Variants in P2RX3 observed in about 807,000 individuals in gnomAD.
P2RX3 encodes the protein purinergic receptor P2X 3, also known as P2X purinoceptor 3.
P2RX3 carries 41 observed loss-of-function variants against 51.5 expected under a neutral mutation model. The observed-to-expected ratio is 0.80, with a 90% CI of 0.62 to 1.03. The LOEUF (loss-of-function observed/expected upper bound fraction) is 1.03, where lower values mean the gene tolerates loss of function less well. P2RX3 is among the 50% of genes least tolerant of loss of function. The pLI, the probability that P2RX3 is intolerant of heterozygous loss-of-function variation, is 0.00. For missense variants in P2RX3, 459 were observed against 522.1 expected, an observed-to-expected ratio of 0.88 and a Z score of 1.18; for synonymous variants, 185 against 191.6, an observed-to-expected ratio of 0.97 and a Z score of 0.29.
chr11:57,365,917 C>T (rs1856790536), intron 8 of P2RX3, among the ~76,000 whole-genome samples: 1 of 152,220 alleles, frequency 6.6e-6, no homozygotes, highest in Non-Finnish European at 1.5e-5. Context: ...ATGCAAATAT[C>T]CCTGTCAGGA....
At chr11:57,358,934 C>A (rs1856673034) in intron 8 of P2RX3, among the ~76,000 whole-genome samples, 3 of 152,196 alleles carry the variant, frequency 2.0e-5, no homozygotes, top group African/African-American at 7.2e-5. Context: ...ACTATTAGGC[C>A]TCAGAATCAT....
chr11:57,361,764 C>G (rs1856723220), intron 8 of P2RX3, among the ~76,000 whole-genome samples: 1 of 152,126 alleles, frequency 6.6e-6, no homozygotes. Context: ...ATGCATGTAT[C>G]TTTATAATAG....
At chr11:57,369,299 C>A in intron 10 of P2RX3, 62 bp from the exon 11 acceptor site, 1 of 1,472,670 alleles carries the variant, frequency 6.8e-7, no homozygotes. Flanking sequence ...GCACTTCCTG[C>A]CACCCTGATC....
At chr11:57,342,948 G>C (rs956137039) in intron 1 of P2RX3, among the ~76,000 whole-genome samples, 7 of 152,216 alleles carry the variant, frequency 4.6e-5, no homozygotes, top group African/African-American at 1.7e-4. Flanking sequence ...CACCTGCCAA[G>C]GAGCTGCCAC....
At position 57,370,057 on chromosome 11, in the gene P2RX3, C is replaced by A. The variant is rs1856861083; in HGVS notation, c.*60C>A. ...CCAGGCCTCCCCACAGAGGACCCTG[C>A]CTGAGCAAGGGGCATGGGAGGGAAG... is the stretch of plus-strand genomic sequence containing the variant. On this transcript the variant is annotated 3_prime_UTR_variant, in exon 12 of 12. Transcript: ENST00000263314. 8.9e-7 allele frequency: 1 copy of A among 1,123,120 alleles called. No homozygotes were observed. The highest frequency in any genetic ancestry group is 2.5e-5 in the Admixed American group (1 of 40,752). The allele number at this position is 1,123,120 out of a possible 1,614,324, so 69.6% of individuals were successfully genotyped here.
At chr11:57,361,799 A>G (rs1565071539) in intron 8 of P2RX3, among the ~76,000 whole-genome samples, 1 of 152,240 alleles carries the variant, frequency 6.6e-6, no homozygotes, top group Non-Finnish European at 1.5e-5. Context: ...CTTTGGGTAT[A>G]TACCCAGTAA....
upstream of P2RX3, among the ~76,000 whole-genome samples, chr11:57,337,303 A>AAAG (rs1554965242): frequency 1.4e-3 from 179 of 128,476 alleles, no homozygotes; most frequent in African/African-American, 5.3e-3. Flanking sequence ...AAAAAAAAAA[A>AAAG]AAAGAAAGAA....
At chr11:57,365,527 G>A (rs754498234) in intron 8 of P2RX3, among the ~76,000 whole-genome samples, 13 of 152,344 alleles carry the variant, frequency 8.5e-5, no homozygotes, top group Middle Eastern at 3.4e-3. Flanking sequence ...AGGGCCCAGA[G>A]CTGGGCACAG....
chr11:57,347,166 G>C lies in P2RX3; in HGVS notation c.306G>C (p.Gln102His). 1 of 1,613,692 alleles carries C rather than the reference G, an allele frequency of 6.2e-7. No individual in the cohort carries two copies. The highest frequency in any genetic ancestry group is 8.5e-7 in the Non-Finnish European group (1 of 1,179,828). Residue 102 changes from glutamine to histidine, a missense_variant, in exon 3 of 12, where the codon CAG (glutamine) becomes CAC (histidine). By Grantham distance (24) the Gln-to-His change is conservative. Coordinates refer to ENST00000263314, the MANE Select transcript of P2RX3 (RefSeq NM_002559.5). Reference protein sequence around the residue: ...IITKMIVTENQMQGFCPESEE... With the variant: ...IITKMIVTENHMQGFCPESEE... ...CCAAGATGATTGTTACTGAAAATCA[G>C]ATGCAAGGATTCTGCCCAGAGGTGA...
In P2RX3 at chr11:57,369,362, G is replaced by A. The variant is rs1856846071; in HGVS notation, c.1004G>A (p.Gly335Glu). Residue 335 changes from glycine to glutamate, a missense_variant and splice_region_variant, in exon 11 of 12, where the codon GGA (glycine) becomes GAA (glutamate). Coordinates refer to ENST00000263314, the MANE Select transcript of P2RX3 (RefSeq NM_002559.5). ...CCCGCCCTGCCTCTCCTCCTCCAGG[G>A]AACTGTTCTCTGTGACATCATCCTG... is the stretch of plus-strand genomic sequence containing the variant. ...SVAAFTSVGVGTVLCDIILLN... is the reference protein window; with the variant it reads ...SVAAFTSVGVETVLCDIILLN... 1 of 1,609,310 alleles carries A rather than the reference G, an allele frequency of 6.2e-7. No individual in the cohort carries two copies. The highest frequency in any genetic ancestry group is 2.3e-5 in the East Asian group (1 of 44,370).
At chr11:57,345,553 T>A (rs979599788) in intron 1 of P2RX3, among the ~76,000 whole-genome samples, 2 of 152,072 alleles carry the variant, frequency 1.3e-5, no homozygotes, top group Admixed American at 6.5e-5. Flanking sequence ...ATAAAGGCAA[T>A]CTTGCCAAAG....
chr11:57,372,165 A>T lies in P2RX3; in HGVS notation c.*2168A>T, dbSNP rs751302510. 6.6e-6 allele frequency among the ~76,000 whole-genome samples: 1 copy of T among 152,250 alleles called. No homozygotes were observed. Among genetic ancestry groups the T allele is most frequent in the Non-Finnish European group, 1.5e-5 (1 of 68,042 alleles). On this transcript the variant is annotated 3_prime_UTR_variant, in exon 12 of 12. Coordinates refer to ENST00000263314, the MANE Select transcript of P2RX3 (RefSeq NM_002559.5). ...GCTGGTGAGTCCGCTATGGTTTGTC[A>T]TTAATCCTATTTGATAGAAAAAGAA...
At chr11:57,364,658 T>C (rs1380739858) in intron 8 of P2RX3, among the ~76,000 whole-genome samples, 1 of 152,216 alleles carries the variant, frequency 6.6e-6, no homozygotes, top group Non-Finnish European at 1.5e-5. Flanking sequence ...CTGTCATCTT[T>C]ATAGAAATGA....
At chr11:57,356,506 C>T (rs1319869548) in intron 8 of P2RX3, among the ~76,000 whole-genome samples, 1 of 152,164 alleles carries the variant, frequency 6.6e-6, no homozygotes, top group South Asian at 2.1e-4. Context: ...GTTCCTGGTG[C>T]GGTAGGTGTT....
intron 8 of P2RX3, among the ~76,000 whole-genome samples, chr11:57,358,909 G>A (rs1252102025): frequency 4.6e-5 from 7 of 152,092 alleles, no homozygotes; most frequent in South Asian, 2.1e-4. Context: ...GCACTCACAC[G>A]CACAACATCC....
At chr11:57,367,801 C>T (rs1856818942) in intron 8 of P2RX3, among the ~76,000 whole-genome samples, 1 of 152,150 alleles carries the variant, frequency 6.6e-6, no homozygotes, top group Non-Finnish European at 1.5e-5. Flanking sequence ...GGGTGGAGCT[C>T]AGGAATCTGC....
intron 6 of P2RX3, 108 bp downstream of exon 6, chr11:57,348,812 G>A (rs1481060105): frequency 7.6e-5 from 59 of 774,428 alleles, no homozygotes; most frequent in East Asian, 1.6e-4. Context: ...TCCCACTTTC[G>A]CTCCACTGAC....
chr11:57,360,183 T>A (rs1270439839), intron 8 of P2RX3, among the ~76,000 whole-genome samples: 1 of 152,140 alleles, frequency 6.6e-6, no homozygotes, highest in Non-Finnish European at 1.5e-5. Flanking sequence ...CCCACATATA[T>A]TTTCCTACTC....
Position 57,355,111 on chromosome 11 carries a change from C to T in P2RX3, c.842+4213C>T, listed in dbSNP as rs1023174683. Among the ~76,000 whole-genome samples, 5 of 152,028 alleles carry T rather than the reference C, an allele frequency of 3.3e-5. No individual in the cohort carries two copies. In the East Asian group the frequency reaches 5.8e-4, roughly 18 times the overall value. On this transcript the variant is annotated intron_variant, in intron 8 of 11. Coordinates refer to ENST00000263314, the MANE Select transcript of P2RX3 (RefSeq NM_002559.5). Reference sequence around the variant, plus strand: ...CCCACTGAGGCAGCCCAGGGCAGGGCGAGGAAGGGAGGAGCACGGACCTGA... The same window carrying T: ...CCCACTGAGGCAGCCCAGGGCAGGGTGAGGAAGGGAGGAGCACGGACCTGA...
Sources: gnomAD v4.1 joint callset for allele counts (sites outside exome capture counted in the v4.1 genomes callset) on GRCh38, gnomAD v4.1.1 for gene constraint, MANE v1.5 for transcripts, NCBI Gene and HGNC (gene_info 2026-07-23, HGNC 2026-07-21) for gene names.